Variants in ADCY5 observed in about 807,000 individuals in gnomAD.
ADCY5 encodes adenylate cyclase 5, also known as adenylate cyclase type 5.
ADCY5 carries 30 observed loss-of-function variants against 119.7 expected under a neutral mutation model. The ratio of observed to expected loss-of-function variants is 0.25; its 90% CI spans 0.19 to 0.34. The LOEUF is 0.34. ADCY5 is among the 10% of genes least tolerant of loss of function. The pLI is 1.00. For missense variants in ADCY5, 1,324 were observed against 1,775.2 expected (o/e 0.75, Z 4.57); for synonymous variants, 753 against 762.2 (o/e 0.99, Z 0.20).
chr3:123,388,181 G>C (rs1944289448), intron 1 of ADCY5, among the ~76,000 whole-genome samples: 1 of 152,206 alleles, frequency 6.6e-6, no homozygotes. Context: ...AGGTGGCCCA[G>C]AGCTAAGTAA....
At chr3:123,425,263 CAT>C (rs1423491463) in intron 1 of ADCY5, among the ~76,000 whole-genome samples, 6 of 152,224 alleles carry the variant, frequency 3.9e-5, no homozygotes, top group African/African-American at 1.4e-4. Context: ...ACACTCCAGG[CAT>C]GGGTCCTGCC....
At chr3:123,382,751 G>A (rs1000953432) in intron 1 of ADCY5, among the ~76,000 whole-genome samples, 1 of 152,180 alleles carries the variant, frequency 6.6e-6, no homozygotes, top group Admixed American at 6.5e-5. Context: ...CCAAAGGCTG[G>A]GGGGAGGAAG....
chr3:123,322,779 C>T (rs1576572044), intron 8 of ADCY5, among the ~76,000 whole-genome samples: 1 of 152,220 alleles, frequency 6.6e-6, no homozygotes, highest in Non-Finnish European at 1.5e-5. Flanking sequence ...AGTGCCTAAG[C>T]ATCAACCAGC....
rs115209498 is a variant in ADCY5, at chr3:123,380,802, C to T, written c.1135-28221G>A. Among the ~76,000 whole-genome samples the T allele has an allele frequency of 2.4e-3, 369 of 152,260 alleles. 1 individual carries two copies. Among genetic ancestry groups the T allele is most frequent in the African/African-American group, 8.5e-3 (355 of 41,544 alleles). On this transcript the variant is annotated intron_variant, in intron 1 of 20. Transcript: ENST00000462833. The stretch of plus-strand genomic sequence containing the variant: ...ATAAACATGTCATCAACATCATTAC[C>T]GCTGAGAAAGGGATGGACACAGATG...
In ADCY5 at chr3:123,304,068, A is replaced by G. The variant is rs1470490448; in HGVS notation, c.2558T>C (p.Met853Thr). ...TLVFLAAFVN[M>T]FTCNSRDLLG... ...CTAGGAGGTCGTGCAGCCACCCACC[A>G]TGTTGACAAAAGCCGCCAGGAACAC... The change falls in exon 13 of 21, where the codon ATG (methionine) becomes ACG (threonine). Residue 853 changes from methionine to threonine, a missense_variant and splice_region_variant. Coordinates refer to ENST00000462833, the MANE Select transcript of ADCY5 (RefSeq NM_183357.3). 2 of 1,605,584 alleles carry G rather than the reference A, an allele frequency of 1.2e-6. No homozygotes were observed. The highest frequency in any genetic ancestry group is 1.7e-6 in the Non-Finnish European group (2 of 1,172,744).
At chr3:123,388,397 A>G (rs912278599) in intron 1 of ADCY5, among the ~76,000 whole-genome samples, 2 of 152,166 alleles carry the variant, frequency 1.3e-5, no homozygotes, top group African/African-American at 4.8e-5. Context: ...ATGACAGGAA[A>G]TAAGACAGAG....
chr3:123,337,863 T>C (rs1355790646), intron 3 of ADCY5, among the ~76,000 whole-genome samples: 2 of 152,238 alleles, frequency 1.3e-5, no homozygotes, highest in Non-Finnish European at 2.9e-5. Context: ...GAAACTTTCC[T>C]GTTTCCAAAG....
chr3:123,432,645 C>T (rs1945544902), intron 1 of ADCY5, among the ~76,000 whole-genome samples: 1 of 152,138 alleles, frequency 6.6e-6, no homozygotes. Context: ...ATCCTCTTGC[C>T]TCAGCCTCCT....
intron 1 of ADCY5, among the ~76,000 whole-genome samples, chr3:123,366,747 T>C (rs1045126011): frequency 8.5e-5 from 13 of 152,150 alleles, no homozygotes; most frequent in Non-Finnish European, 1.5e-4. Flanking sequence ...CCTGGGAACT[T>C]AGGTGTGAGT....
intron 1 of ADCY5, among the ~76,000 whole-genome samples, chr3:123,390,941 CT>C (rs1944385539): frequency 6.6e-6 from 1 of 151,190 alleles, no homozygotes; most frequent in Non-Finnish European, 1.5e-5. Flanking sequence ...AGGCCTCCCT[CT>C]TCCCTGGAAT....
Position 123,282,494 on chromosome 3 carries a change from G to A in ADCY5, c.*2114C>T, listed in dbSNP as rs1039406087. The stretch of plus-strand genomic sequence containing the variant: ...GGGAGAGGGGTCCCCATGGGGCCGG[G>A]AAGCCATGACCATGGGAGAACATGG... On this transcript the variant is annotated 3_prime_UTR_variant, in exon 21 of 21. Transcript: ENST00000462833. 1 of 152,384 alleles carries A rather than the reference G, an allele frequency of 6.6e-6. No homozygotes were observed. Among genetic ancestry groups the A allele is most frequent in the East Asian group, 1.9e-4 (1 of 5,190 alleles). 9.4% of individuals were successfully genotyped at this position (152,384 alleles called of 1,614,324 possible).
At chr3:123,328,883 A>T (rs892541536) in intron 5 of ADCY5, 81 bp from the exon 6 acceptor site, 47 of 1,411,404 alleles carry the variant, frequency 3.3e-5, no homozygotes, top group Non-Finnish European at 4.4e-5. Context: ...AGGTGCAGGG[A>T]AGGTGAAGGT....
In ADCY5 at chr3:123,283,585, G is replaced by GTACC. The variant is rs1242920351; in HGVS notation, c.*1019_*1022dup. 1.3e-5 allele frequency: 2 copies of GTACC among 152,116 alleles called. No homozygotes were observed. Among genetic ancestry groups the GTACC allele is most frequent in the Non-Finnish European group, 2.9e-5 (2 of 68,058 alleles). 9.4% of individuals were successfully genotyped at this position (152,116 alleles called of 1,614,324 possible). A position where few individuals can be genotyped will look rare whatever the true frequency, so the allele number is the denominator to read the frequency against. On this transcript the variant is annotated 3_prime_UTR_variant, in exon 21 of 21. Coordinates refer to ENST00000462833, the MANE Select transcript of ADCY5 (RefSeq NM_183357.3). ...AAAGCACACACCCACTGCTCTGGTG[G>GTACC]TACCTTGGAAAACCCAAAACTGCCA...
At chr3:123,410,331 C>T (rs996663907) in intron 1 of ADCY5, among the ~76,000 whole-genome samples, 2 of 152,032 alleles carry the variant, frequency 1.3e-5, no homozygotes, top group South Asian at 4.2e-4. Flanking sequence ...TCCTCCTCCC[C>T]CAACCCTTAT....
At chr3:123,386,938 G>C (rs6797915) in intron 1 of ADCY5, among the ~76,000 whole-genome samples, 23,350 of 152,146 alleles carry the variant, frequency 0.15, 1,906 homozygotes, top group East Asian at 0.35. Flanking sequence ...ACGACAGCCA[G>C]AGCCATGACC....
chr3:123,388,976 C>A (rs1944320579), intron 1 of ADCY5, among the ~76,000 whole-genome samples: 1 of 152,060 alleles, frequency 6.6e-6, no homozygotes, highest in Non-Finnish European at 1.5e-5. Context: ...TTAGCCTCTA[C>A]AGGAGGGACC....
In ADCY5 at chr3:123,286,555, G is replaced by T; in HGVS notation, c.3657+130C>A. The T allele has an allele frequency of 7.8e-7, 1 of 1,288,502 alleles. No individual in the cohort carries two copies. The allele number at this position is 1,288,502 out of a possible 1,614,324, so 79.8% of individuals were successfully genotyped here. Reference sequence around the variant, plus strand: ...AGCTTCCAAGACATCAGCGTCAACAGCCCCATCACCCTTGAATCTGGCTGC... The same window carrying T: ...AGCTTCCAAGACATCAGCGTCAACATCCCCATCACCCTTGAATCTGGCTGC... On this transcript the variant is annotated intron_variant, in intron 20 of 20. Transcript: ENST00000462833. This position sits in a 1 kb window ranked among gnomAD's most constrained non-coding sequence, Gnocchi z 4.2.
At chr3:123,294,752 C>T (rs1022316269) in intron 17 of ADCY5, among the ~76,000 whole-genome samples, 18 of 152,172 alleles carry the variant, frequency 1.2e-4, no homozygotes, top group African/African-American at 4.3e-4. Context: ...CGCACCCCTG[C>T]TGATCGCCGA....
rs1945880765 is a variant in ADCY5 at position 123,448,902 on chromosome 3, C to T, written c.-357G>A. 2 of 210,394 alleles carry T rather than the reference C, an allele frequency of 9.5e-6. No individual in the cohort carries two copies. Among genetic ancestry groups the T allele is most frequent in the African/African-American group, 2.3e-5 (1 of 43,726 alleles). 13.0% of individuals were successfully genotyped at this position (210,394 alleles called of 1,614,324 possible). On this transcript the variant is annotated 5_prime_UTR_variant, in exon 1 of 21. Transcript: ENST00000462833. ...ACGAGGGCCGGAGTTGCGGACGAGA[C>T]GGGACGGAGTGGTGTCCTTGCGGGC...
Sources: allele counts gnomAD v4.1 joint callset (sites outside exome capture counted in the v4.1 genomes callset), GRCh38; gene constraint gnomAD v4.1.1; non-coding constraint Gnocchi (gnomAD v3.1); transcripts MANE v1.5; gene names NCBI Gene and HGNC (gene_info 2026-07-23, HGNC 2026-07-21).